The following SEMA3D variants were observed in gnomAD, a reference collection of about 807,000 sequenced individuals.
The protein encoded by SEMA3D is semaphorin-3D.
In SEMA3D, 84 loss-of-function variants were observed where a neutral mutation model predicts 100.1. That is an observed-to-expected ratio of 0.84 (90% CI 0.70 to 1.01). The LOEUF (loss-of-function observed/expected upper bound fraction) is 1.01. Ranked by LOEUF, SEMA3D falls within the 50% of genes least tolerant of loss-of-function variation. The pLI, the probability that SEMA3D is intolerant of heterozygous loss-of-function variation, is 0.00. For synonymous variants in SEMA3D, 312 were observed against 320.7 expected, an observed-to-expected ratio of 0.97 and a Z score of 0.29; for missense variants, 875 against 934.1, an observed-to-expected ratio of 0.94 and a Z score of 0.82.
At chr7:85,175,723 A>G (rs552405434) in intron 1 of SEMA3D, among the ~76,000 whole-genome samples, 1 of 152,240 alleles carries the variant, frequency 6.6e-6, no homozygotes, top group African/African-American at 2.4e-5. Flanking sequence ...TTTTTCAGAC[A>G]GAATAATCTG....
At chr7:85,005,034 T>G (rs1405194519) in intron 18 of SEMA3D, among the ~76,000 whole-genome samples, 1 of 151,830 alleles carries the variant, frequency 6.6e-6, no homozygotes, top group Non-Finnish European at 1.5e-5. Flanking sequence ...AATGTAAGTA[T>G]CTAGAGCTGA....
chr7:85,001,822 T>A (rs1427353385), intron 18 of SEMA3D, among the ~76,000 whole-genome samples: 1 of 152,182 alleles, frequency 6.6e-6, no homozygotes, highest in Non-Finnish European at 1.5e-5. Flanking sequence ...CCTTTATTAC[T>A]GTAATTCTCT....
the SEMA3D span, among the ~76,000 whole-genome samples, chr7:85,221,470 A>C: frequency 6.6e-6 from 1 of 152,042 alleles, no homozygotes; most frequent in African/African-American, 2.4e-5. Flanking sequence ...CTGGTGTCAA[A>C]CACTGTGTTC....
chr7:85,032,198 T>C (rs1365433561), intron 12 of SEMA3D, among the ~76,000 whole-genome samples: 3 of 152,006 alleles, frequency 2.0e-5, no homozygotes, highest in South Asian at 2.1e-4. Context: ...TTTACAGGCA[T>C]AGTTTATCTG....
At chr7:85,073,150 C>A (rs1791823690) in intron 5 of SEMA3D, 69 bp from the exon 6 acceptor site, 1 of 1,401,436 alleles carries the variant, frequency 7.1e-7, no homozygotes, top group African/African-American at 1.4e-5. Flanking sequence ...ATTTATGCCA[C>A]CTGTTTTCCA....
intron 2 of SEMA3D, among the ~76,000 whole-genome samples, chr7:85,123,622 T>A (rs1246921836): frequency 6.6e-6 from 1 of 152,082 alleles, no homozygotes; most frequent in African/African-American, 2.4e-5. Flanking sequence ...ATGATAAACA[T>A]TTAAGGATAG....
At chr7:85,024,778 T>C (rs1790347328) in intron 12 of SEMA3D, among the ~76,000 whole-genome samples, 1 of 152,000 alleles carries the variant, frequency 6.6e-6, no homozygotes, top group African/African-American at 2.4e-5. Context: ...AGAGTTACTC[T>C]CTGAGGTTTA....
At chr7:85,210,318 G>A in the SEMA3D span, among the ~76,000 whole-genome samples, 1 of 152,018 alleles carries the variant, frequency 6.6e-6, no homozygotes, top group African/African-American at 2.4e-5. Flanking sequence ...TTTTTAAAGT[G>A]AAAGGTTATT....
intron 3 of SEMA3D, among the ~76,000 whole-genome samples, chr7:85,115,083 T>C (rs1478004382): frequency 6.6e-6 from 1 of 152,216 alleles, no homozygotes; most frequent in Non-Finnish European, 1.5e-5. Context: ...CATTTAATGT[T>C]TACAGTTGAA....
chr7:85,024,066 T>G (rs1790327365), intron 12 of SEMA3D, among the ~76,000 whole-genome samples: 1 of 151,946 alleles, frequency 6.6e-6, no homozygotes, highest in South Asian at 2.1e-4. Flanking sequence ...GCACGTTCAG[T>G]CATTATTTCC....
the SEMA3D span, among the ~76,000 whole-genome samples, chr7:85,231,435 CCTTTTTTTTTT>C: frequency 7.3e-6 from 1 of 137,858 alleles, no homozygotes; most frequent in Non-Finnish European, 1.5e-5. Flanking sequence ...CCAATCTTTC[CCTTTTTTTTTT>C]TTTTTTTTTT....
At chr7:85,125,305 T>G (rs1789535134) in intron 2 of SEMA3D, among the ~76,000 whole-genome samples, 1 of 152,044 alleles carries the variant, frequency 6.6e-6, no homozygotes, top group South Asian at 2.1e-4. Flanking sequence ...TAATGACTAG[T>G]TGGGGTTAAT....
chr7:85,062,684 C>T (rs556339518), intron 8 of SEMA3D, among the ~76,000 whole-genome samples: 2 of 152,302 alleles, frequency 1.3e-5, no homozygotes, highest in South Asian at 4.1e-4. Flanking sequence ...AGCAATTTAA[C>T]AGCACAATCA....
rs148744769 is a variant in SEMA3D, at chr7:85,183,912, A to T, written c.-173+2766T>A. Among the ~76,000 whole-genome samples the T allele has an allele frequency of 3.5e-4, 54 of 152,342 alleles. 1 individual carries two copies. The highest frequency in any genetic ancestry group is 1.2e-3 in the African/African-American group (51 of 41,582). The stretch of plus-strand genomic sequence containing the variant: ...GGTCATGAGGACAATAAGTAGACTG[A>T]GGAAAACCTAACTAATCTCAGGAAA... On this transcript the variant is annotated intron_variant, in intron 1 of 18. Coordinates refer to ENST00000284136, the MANE Select transcript of SEMA3D (RefSeq NM_001384900.1).
At chr7:85,166,149 CA>C (rs749545133) in intron 1 of SEMA3D, among the ~76,000 whole-genome samples, 36 of 151,940 alleles carry the variant, frequency 2.4e-4, no homozygotes, top group Non-Finnish European at 4.4e-4. Flanking sequence ...CATATACCTA[CA>C]CACATATACA....
chr7:85,146,095 G>T (rs1210595396), intron 2 of SEMA3D, among the ~76,000 whole-genome samples: 1 of 151,932 alleles, frequency 6.6e-6, no homozygotes, highest in African/African-American at 2.4e-5. Context: ...AGGGCTAATT[G>T]TACATACAAA....
the SEMA3D span, among the ~76,000 whole-genome samples, chr7:85,203,073 T>C: frequency 6.6e-5 from 10 of 152,316 alleles, 1 homozygote; most frequent in Admixed American, 6.5e-4. Flanking sequence ...AGTAGATGAT[T>C]TGTCATGAGA....
intron 1 of SEMA3D, among the ~76,000 whole-genome samples, chr7:85,154,596 T>C (rs1250458426): frequency 6.6e-6 from 1 of 152,142 alleles, no homozygotes; most frequent in African/African-American, 2.4e-5. Context: ...GTGACTTTTA[T>C]TGCAAATGAA....
chr7:85,064,892 G>A (rs1361228756), intron 8 of SEMA3D, among the ~76,000 whole-genome samples: 1 of 152,024 alleles, frequency 6.6e-6, no homozygotes, highest in African/African-American at 2.4e-5. Context: ...ATATTAATAT[G>A]CTTAAAATTT....
Sources: gnomAD v4.1 joint callset for allele counts (sites outside exome capture counted in the v4.1 genomes callset) on GRCh38, gnomAD v4.1.1 for gene constraint, MANE v1.5 for transcripts, NCBI Gene and HGNC (gene_info 2026-07-23, HGNC 2026-07-21) for gene names.